The following PDE4D variants were observed in gnomAD, a reference collection of about 807,000 sequenced individuals.
PDE4D encodes the protein phosphodiesterase 4D.
PDE4D carries 24 observed loss-of-function variants against 87.4 expected under a neutral mutation model. The observed-to-expected ratio is 0.27, with a 90% CI of 0.20 to 0.39. The LOEUF is 0.39. Among genes scored for constraint, PDE4D ranks in the 10% least tolerant of loss-of-function variants. The pLI is 1.00. For synonymous variants in PDE4D, 384 were observed against 383.2 expected (o/e 1.00, Z -0.02); for missense variants, 714 against 1,041.0 (o/e 0.69, Z 4.32).
At chr5:59,861,894 G>T (rs1746335837) in intron 1 of PDE4D, among the ~76,000 whole-genome samples, 6 of 152,208 alleles carry the variant, frequency 3.9e-5, no homozygotes, top group Admixed American at 2.6e-4. Flanking sequence ...AGGCTTAAAA[G>T]AAAACAACAG....
chr5:59,330,071 G>A (rs1364510855), intron 1 of PDE4D, among the ~76,000 whole-genome samples: 1 of 152,144 alleles, frequency 6.6e-6, no homozygotes, highest in East Asian at 1.9e-4. Flanking sequence ...CCCTTGGGAT[G>A]AAAACTGGGA....
At chr5:59,333,370 A>G (rs1777083719) in intron 1 of PDE4D, among the ~76,000 whole-genome samples, 2 of 152,286 alleles carry the variant, frequency 1.3e-5, no homozygotes, top group South Asian at 4.1e-4. Flanking sequence ...TAAAAATTAG[A>G]CAGAAAGGGG....
chr5:60,185,651 C>T, exon 2 of PDE4D: 2 of 1,195,978 alleles, frequency 1.7e-6, no homozygotes, highest in Non-Finnish European at 2.4e-6. Context: ...TGTCAATGAT[C>T]TCACTGCACG....
intron 1 of PDE4D, among the ~76,000 whole-genome samples, chr5:60,290,411 G>C (rs983113063): frequency 1.5e-4 from 23 of 152,218 alleles, no homozygotes; most frequent in Middle Eastern, 3.4e-3. Flanking sequence ...CATCTAATAA[G>C]AAATGACTAT....
intron 2 of PDE4D, among the ~76,000 whole-genome samples, chr5:60,058,019 G>A (rs1770971430): frequency 6.6e-6 from 1 of 151,882 alleles, no homozygotes; most frequent in Non-Finnish European, 1.5e-5. Context: ...GATTCTGGAT[G>A]CTCTATGTTT....
In PDE4D at chr5:59,893,390, G is replaced by C. The variant is rs1751266132; in HGVS notation, c.233C>G (p.Pro78Arg). Residue 78 changes from proline to arginine, a missense_variant, in exon 1 of 15, where the codon CCG becomes CGG. Pro to Arg is a moderately radical substitution (Grantham distance 103). Transcript: ENST00000340635. ...QPQCPLQPPP[P>R]PPLPPPPPPP... Reference sequence around the variant, plus strand: ...CGGCGGGGGCGGCGGCAGGGGGGGCGGCGGCGGCGGCTGTAGCGGACACTG... The same window carrying C: ...CGGCGGGGGCGGCGGCAGGGGGGGCCGCGGCGGCGGCTGTAGCGGACACTG... 1 of 1,273,634 alleles carries C rather than the reference G, an allele frequency of 7.9e-7. No homozygotes were observed. The highest frequency in any genetic ancestry group is 9.9e-7 in the Non-Finnish European group (1 of 1,007,224). 78.9% of individuals were successfully genotyped at this position (1,273,634 alleles called of 1,614,324 possible). A position where few individuals can be genotyped will look rare whatever the true frequency, so the allele number is the denominator to read the frequency against.
chr5:58,991,293 C>CAAACA (rs1554038888), intron 8 of PDE4D, among the ~76,000 whole-genome samples: 4 of 147,124 alleles, frequency 2.7e-5, no homozygotes, highest in South Asian at 2.1e-4. Flanking sequence ...TGTCTCAAAA[C>CAAACA]AAACAAAACA....
intron 1 of PDE4D, among the ~76,000 whole-genome samples, chr5:59,383,290 C>T (rs977845136): frequency 2.7e-5 from 4 of 145,556 alleles, no homozygotes; most frequent in African/African-American, 8.0e-5. Context: ...CTCACTGCAG[C>T]CTCACTAGCC....
At chr5:59,877,691 C>A (rs1389282265) in intron 1 of PDE4D, among the ~76,000 whole-genome samples, 1 of 151,790 alleles carries the variant, frequency 6.6e-6, no homozygotes, top group Non-Finnish European at 1.5e-5. Flanking sequence ...TGGTGGCACA[C>A]AACTCTGGTC....
intron 1 of PDE4D, among the ~76,000 whole-genome samples, chr5:59,886,554 T>C (rs1039466208): frequency 6.6e-6 from 1 of 151,750 alleles, no homozygotes; most frequent in Non-Finnish European, 1.5e-5. Flanking sequence ...AAGAAAAATA[T>C]TCCTTCTTTG....
chr5:60,456,153 C>T (rs1445517258), intron 1 of PDE4D, among the ~76,000 whole-genome samples: 2 of 152,168 alleles, frequency 1.3e-5, no homozygotes, highest in Non-Finnish European at 1.5e-5. Context: ...GAGAGACCCA[C>T]GTAGGCCCTG....
At chr5:59,422,943 A>C (rs1471123045) in intron 1 of PDE4D, among the ~76,000 whole-genome samples, 1 of 152,176 alleles carries the variant, frequency 6.6e-6, no homozygotes, top group Non-Finnish European at 1.5e-5. Flanking sequence ...ATGTTTTAAA[A>C]ACCTCAATGA....
At chr5:59,887,786 A>C (rs1009374459) in intron 1 of PDE4D, among the ~76,000 whole-genome samples, 9 of 152,012 alleles carry the variant, frequency 5.9e-5, no homozygotes, top group Non-Finnish European at 1.2e-4. Context: ...AAGTGAAAGA[A>C]TGTTTGTTTT....
intron 3 of PDE4D, among the ~76,000 whole-genome samples, chr5:59,985,036 C>T (rs1053110723): frequency 6.6e-6 from 1 of 151,812 alleles, no homozygotes; most frequent in African/African-American, 2.4e-5. Context: ...CTAAATTTCC[C>T]ATTAGCTCTT....
intron 1 of PDE4D, among the ~76,000 whole-genome samples, chr5:59,513,081 A>T (rs1810540818): frequency 1.3e-5 from 2 of 152,176 alleles, no homozygotes; most frequent in Non-Finnish European, 2.9e-5. Flanking sequence ...ACCATGAGAT[A>T]AAAATATAGA....
intron 1 of PDE4D, among the ~76,000 whole-genome samples, chr5:60,255,366 C>CATT (rs2149691370): frequency 6.6e-6 from 1 of 151,986 alleles, no homozygotes; most frequent in Non-Finnish European, 1.5e-5. Flanking sequence ...ACTTGACCAA[C>CATT]ACTACTAACT....
At chr5:60,159,354 A>C (rs1782273720) in intron 2 of PDE4D, among the ~76,000 whole-genome samples, 1 of 152,208 alleles carries the variant, frequency 6.6e-6, no homozygotes, top group Admixed American at 6.5e-5. Flanking sequence ...AACAATGATT[A>C]AAAAGTATAG....
At chr5:60,020,058 G>C (rs1765891799) in intron 2 of PDE4D, among the ~76,000 whole-genome samples, 1 of 152,064 alleles carries the variant, frequency 6.6e-6, no homozygotes, top group Admixed American at 6.6e-5. Context: ...GGCCATTGTA[G>C]GATTATTAAC....
chr5:59,450,458 T>C (rs2153640007), intron 1 of PDE4D, among the ~76,000 whole-genome samples: 1 of 152,226 alleles, frequency 6.6e-6, no homozygotes, highest in East Asian at 1.9e-4. Flanking sequence ...GGCCAAAAGG[T>C]GACTGAGTGC....
Sources: allele counts gnomAD v4.1 joint callset (sites outside exome capture counted in the v4.1 genomes callset), GRCh38; gene constraint gnomAD v4.1.1; transcripts MANE v1.5; gene names NCBI Gene and HGNC (gene_info 2026-07-23, HGNC 2026-07-21).